Variants in TMEM132D observed in about 807,000 individuals in gnomAD.
TMEM132D encodes transmembrane protein 132D, also known as mature OL transmembrane protein.
A neutral mutation model predicts 62.3 loss-of-function variants in TMEM132D; 21 were observed. The observed-to-expected ratio is 0.34, with a 90% confidence interval of 0.24 to 0.49. The LOEUF (loss-of-function observed/expected upper bound fraction) is 0.49. TMEM132D is among the 20% of genes least tolerant of loss of function. The pLI is 0.99. For synonymous variants in TMEM132D, 621 were observed against 575.6 expected (o/e 1.08, Z -1.13); for missense variants, 1,346 against 1,402.8 (o/e 0.96, Z 0.65).
At chr12:129,590,168 C>T (rs1160775796) in intron 2 of TMEM132D, among the ~76,000 whole-genome samples, 1 of 152,066 alleles carries the variant, frequency 6.6e-6, no homozygotes, top group East Asian at 1.9e-4. Flanking sequence ...ATCTGTGTCT[C>T]TCTGCTAATG....
chr12:129,134,158 G>GTC (rs1333125728), intron 5 of TMEM132D, among the ~76,000 whole-genome samples: 24 of 149,652 alleles, frequency 1.6e-4, no homozygotes, highest in African/African-American at 5.5e-4. Flanking sequence ...CTGTGTCTGT[G>GTC]TGTGTGTCTG....
intron 1 of TMEM132D, among the ~76,000 whole-genome samples, chr12:129,716,700 C>T (rs1482736370): frequency 6.6e-6 from 1 of 151,962 alleles, no homozygotes; most frequent in African/African-American, 2.4e-5. Flanking sequence ...GAGGATTATC[C>T]TGGATTATCT....
intron 4 of TMEM132D, among the ~76,000 whole-genome samples, chr12:129,319,714 G>C (rs1868617874): frequency 6.6e-6 from 1 of 152,170 alleles, no homozygotes; most frequent in Admixed American, 6.5e-5. Flanking sequence ...AGCTCATGAG[G>C]TTGGAAGAAG....
At chr12:129,352,519 AG>A (rs1869901842) in intron 3 of TMEM132D, among the ~76,000 whole-genome samples, 1 of 152,006 alleles carries the variant, frequency 6.6e-6, no homozygotes, top group African/African-American at 2.4e-5. Flanking sequence ...TATCTGACAA[AG>A]GTCTAATATC....
intron 4 of TMEM132D, among the ~76,000 whole-genome samples, chr12:129,289,193 T>G (rs897632983): frequency 2.6e-5 from 4 of 152,080 alleles, no homozygotes; most frequent in Non-Finnish European, 5.9e-5. Context: ...ACCTTGTACC[T>G]ATAGTTAACA....
At chr12:129,353,556 C>T (rs1200415031) in intron 3 of TMEM132D, among the ~76,000 whole-genome samples, 1 of 151,996 alleles carries the variant, frequency 6.6e-6, no homozygotes, top group African/African-American at 2.4e-5. Flanking sequence ...TTTGGGGGCT[C>T]CATGGAGAAG....
At position 129,903,943 on chromosome 12, in the gene TMEM132D, G is replaced by T. The variant is rs866178030; in HGVS notation, c.-604C>A. The stretch of plus-strand genomic sequence containing the variant: ...CCGGCACCCAAAGTTTGGCGGGTGC[G>T]GCTGCTCCCCGGCCGCCGCCTCGGC... On this transcript the variant is annotated 5_prime_UTR_variant, in exon 1 of 9. Coordinates refer to ENST00000422113, the MANE Select transcript of TMEM132D (RefSeq NM_133448.3). This position sits in a 1 kb window ranked among gnomAD's most constrained non-coding sequence, Gnocchi z 6.2. Among the ~76,000 whole-genome samples the T allele has an allele frequency of 6.8e-6, 1 of 148,062 alleles. No individual in the cohort carries two copies. The highest frequency in any genetic ancestry group is 2.4e-5 in the African/African-American group (1 of 41,028).
At chr12:129,367,500 G>A (rs11060275) in intron 3 of TMEM132D, among the ~76,000 whole-genome samples, 7,895 of 152,198 alleles carry the variant, frequency 0.052, 405 homozygotes, top group East Asian at 0.21. Context: ...ACCCTGCCCC[G>A]CCAGTCTTCA....
At chr12:129,694,171 C>T (rs754285844) in intron 2 of TMEM132D, among the ~76,000 whole-genome samples, 10 of 152,184 alleles carry the variant, frequency 6.6e-5, no homozygotes, top group Non-Finnish European at 8.8e-5. Flanking sequence ...TCACAGCAGC[C>T]GTCAGCCCTG....
chr12:129,272,592 C>T (rs929673565), intron 4 of TMEM132D, among the ~76,000 whole-genome samples: 2 of 151,712 alleles, frequency 1.3e-5, no homozygotes, highest in Non-Finnish European at 2.9e-5. Context: ...CGGATGTCGT[C>T]TTTTGAGAAG....
intron 3 of TMEM132D, among the ~76,000 whole-genome samples, chr12:129,418,350 C>T (rs1161830241): frequency 6.6e-6 from 1 of 152,132 alleles, no homozygotes; most frequent in Non-Finnish European, 1.5e-5. Flanking sequence ...AAAAAAGTGA[C>T]ACATATACAC....
At chr12:129,079,511 G>A (rs1452553972) in intron 7 of TMEM132D, among the ~76,000 whole-genome samples, 2 of 152,004 alleles carry the variant, frequency 1.3e-5, no homozygotes, top group East Asian at 1.9e-4. Flanking sequence ...CTCACCCTTC[G>A]CCCAAATGAT....
chr12:129,099,837 A>T (rs10459117), intron 5 of TMEM132D, among the ~76,000 whole-genome samples: 28,859 of 123,604 alleles, frequency 0.23, 4,132 homozygotes, highest in African/African-American at 0.25. Flanking sequence ...TTTTATTTTT[A>T]TTTTTTGAGA....
intron 5 of TMEM132D, among the ~76,000 whole-genome samples, chr12:129,200,770 C>T (rs574987578): frequency 6.6e-6 from 1 of 152,284 alleles, no homozygotes; most frequent in Non-Finnish European, 1.5e-5. Flanking sequence ...AGGAGCCAGG[C>T]CATTCAGGCC....
chr12:129,265,584 C>T (rs1271505920), intron 4 of TMEM132D, among the ~76,000 whole-genome samples: 2 of 152,104 alleles, frequency 1.3e-5, no homozygotes, highest in Admixed American at 6.5e-5. Flanking sequence ...AGGGTCCTGC[C>T]GTTCGGGCTC....
At chr12:129,546,346 C>T (rs796299111) in intron 2 of TMEM132D, among the ~76,000 whole-genome samples, 34 of 152,238 alleles carry the variant, frequency 2.2e-4, no homozygotes, top group African/African-American at 7.9e-4. Context: ...AAATGAAATG[C>T]TATTGAAAAT....
intron 3 of TMEM132D, among the ~76,000 whole-genome samples, chr12:129,392,430 C>T (rs2135694913): frequency 6.6e-6 from 1 of 152,342 alleles, no homozygotes; most frequent in South Asian, 2.1e-4. Flanking sequence ...TCCCTGGAGC[C>T]ATTTCCAGAA....
At chr12:129,874,307 G>A (rs1293110187) in intron 1 of TMEM132D, among the ~76,000 whole-genome samples, 1 of 152,112 alleles carries the variant, frequency 6.6e-6, no homozygotes, top group African/African-American at 2.4e-5. Context: ...TAAATCGGGA[G>A]GCTGAGGCAG....
chr12:129,117,281 G>A (rs1344361545), intron 5 of TMEM132D, among the ~76,000 whole-genome samples: 1 of 151,948 alleles, frequency 6.6e-6, no homozygotes, highest in African/African-American at 2.4e-5. Context: ...GGAGGAGGGG[G>A]GAGGAATGAA....
Sources: gnomAD v4.1 joint callset for allele counts (sites outside exome capture counted in the v4.1 genomes callset) on GRCh38, gnomAD v4.1.1 for gene constraint, Gnocchi (gnomAD v3.1) non-coding constraint, MANE v1.5 for transcripts, NCBI Gene and HGNC (gene_info 2026-07-23, HGNC 2026-07-21) for gene names.